Variants in LPP observed in about 807,000 individuals in gnomAD.
The protein encoded by LPP is LIM domain containing preferred translocation partner in lipoma, also known as lipoma-preferred partner.
In LPP, 38 loss-of-function variants were observed where a neutral mutation model predicts 60.4. The observed-to-expected ratio is 0.63, with a 90% confidence interval of 0.49 to 0.83. LPP has a LOEUF of 0.83. LPP is among the 40% of genes least tolerant of loss of function. LPP has a pLI of 0.00. For missense variants in LPP, 902 were observed against 783.6 expected, an observed-to-expected ratio of 1.15 and a Z score of -1.80; for synonymous variants, 328 against 290.8, an observed-to-expected ratio of 1.13 and a Z score of -1.30.
At chr3:188,799,675 T>C (rs1002965829) in intron 9 of LPP, among the ~76,000 whole-genome samples, 10 of 152,214 alleles carry the variant, frequency 6.6e-5, no homozygotes, top group Non-Finnish European at 1.5e-4. Flanking sequence ...CTTAATTTTA[T>C]AGTCTTTATC....
chr3:188,687,775 C>CTTTTTTTTTTTTTTTTTT (rs61574227), intron 7 of LPP, among the ~76,000 whole-genome samples: 8 of 127,118 alleles, frequency 6.3e-5, no homozygotes, highest in Non-Finnish European at 9.8e-5. Flanking sequence ...GTCTTATACT[C>CTTTTTTTTTTTTTTTTTT]TTTTTTTTTT....
chr3:188,636,974 G>T (rs1270853577), intron 7 of LPP, among the ~76,000 whole-genome samples: 1 of 143,168 alleles, frequency 7.0e-6, no homozygotes, highest in Non-Finnish European at 1.5e-5. Context: ...AGTCAACAAG[G>T]ATACCCAGGA....
chr3:188,842,307 T>A (rs567056093), intron 9 of LPP, among the ~76,000 whole-genome samples: 65 of 152,368 alleles, frequency 4.3e-4, no homozygotes, highest in African/African-American at 1.5e-3. Flanking sequence ...TATGCCTATT[T>A]GCCATTTGTA....
At chr3:188,617,221 T>C (rs1278902263) in intron 7 of LPP, among the ~76,000 whole-genome samples, 1 of 152,182 alleles carries the variant, frequency 6.6e-6, no homozygotes, top group Admixed American at 6.6e-5. Context: ...ATTTTCAGAA[T>C]CATAAGTCTT....
intron 9 of LPP, among the ~76,000 whole-genome samples, chr3:188,856,873 CA>C (rs1432730817): frequency 6.6e-6 from 1 of 152,212 alleles, no homozygotes; most frequent in East Asian, 1.9e-4. Context: ...CCATATTTAT[CA>C]GTGTGCAACA....
intron 3 of LPP, among the ~76,000 whole-genome samples, chr3:188,342,954 T>C (rs761633382): frequency 1.3e-5 from 2 of 152,140 alleles, no homozygotes; most frequent in Non-Finnish European, 2.9e-5. Context: ...TTATTATTAT[T>C]TATTTATTTT....
At chr3:188,315,529 A>C (rs1015106418) in intron 2 of LPP, among the ~76,000 whole-genome samples, 4 of 151,898 alleles carry the variant, frequency 2.6e-5, no homozygotes, top group African/African-American at 9.7e-5. Context: ...TTTTCCTGTA[A>C]GAGATGCTTA....
intron 3 of LPP, among the ~76,000 whole-genome samples, chr3:188,403,024 G>T (rs954719095): frequency 2.0e-5 from 3 of 152,110 alleles, no homozygotes; most frequent in African/African-American, 4.8e-5. Context: ...CCTGGGAATG[G>T]GGTCACTGGG....
intron 9 of LPP, among the ~76,000 whole-genome samples, chr3:188,821,947 A>G (rs1008494052): frequency 4.6e-5 from 7 of 152,126 alleles, no homozygotes; most frequent in African/African-American, 1.7e-4. Flanking sequence ...ATTTATTTCT[A>G]TGTGGGCTGA....
intron 2 of LPP, among the ~76,000 whole-genome samples, chr3:188,242,739 A>G (rs1035563285): frequency 4.6e-5 from 7 of 152,236 alleles, no homozygotes; most frequent in African/African-American, 1.7e-4. Flanking sequence ...TGCAAAATTC[A>G]TTAAACATCT....
chr3:188,785,792 CA>C (rs1202740965), intron 9 of LPP, among the ~76,000 whole-genome samples: 1 of 151,876 alleles, frequency 6.6e-6, no homozygotes, highest in Non-Finnish European at 1.5e-5. Flanking sequence ...ACATTGTTTC[CA>C]TAGGACCAGC....
At chr3:188,524,157 T>A (rs1819799035) in intron 5 of LPP, among the ~76,000 whole-genome samples, 1 of 152,196 alleles carries the variant, frequency 6.6e-6, no homozygotes. Flanking sequence ...TCTTGCCATC[T>A]CTCGCACACA....
chr3:188,562,203 T>C (rs780213231), intron 6 of LPP: 15 of 151,964 alleles, frequency 9.9e-5, no homozygotes, highest in Non-Finnish European at 2.2e-4. Context: ...GATCTGAACA[T>C]TTGAGAAGGA....
At chr3:188,458,233 A>G (rs572823464) in intron 4 of LPP, among the ~76,000 whole-genome samples, 1 of 152,294 alleles carries the variant, frequency 6.6e-6, no homozygotes, top group East Asian at 1.9e-4. Flanking sequence ...TAAATTGTGT[A>G]TATGGATAAA....
chr3:188,179,054 GAGA>G, intron 1 of LPP: 1 of 315,418 alleles, frequency 3.2e-6, no homozygotes, highest in Non-Finnish European at 6.3e-6. Context: ...GAGAGAGAGA[GAGA>G]GAGAGAGAGT....
In LPP at chr3:188,609,579, C is replaced by T. The variant is rs201035440; in HGVS notation, c.848C>T (p.Pro283Leu). ...TACATTCCACCACCAGGACTTCAGC[C>T]GGAGCCTGGGTATGGGTATGCCCCC... Reference protein sequence around the residue: ...YAYIPPPGLQPEPGYGYAPNQ... With the variant: ...YAYIPPPGLQLEPGYGYAPNQ... The change falls in exon 7 of 12, where the codon CCG becomes CTG. Residue 283 changes from proline (P) to leucine (L), a missense_variant. Transcript: ENST00000617246. This position sits in a 1 kb window ranked among gnomAD's most constrained non-coding sequence, Gnocchi z 6.9. The T allele has an allele frequency of 8.1e-5, 130 of 1,613,988 alleles. No individual in the cohort carries two copies. The highest frequency in any genetic ancestry group is 6.6e-4 in the Middle Eastern group (4 of 6,082).
rs79842926 is a variant in LPP at position 188,209,618 on chromosome 3, G to A, written c.-189-15787G>A. On this transcript the variant is annotated intron_variant, in intron 1 of 11. Coordinates refer to ENST00000617246, the MANE Select transcript of LPP (RefSeq NM_001375462.1). Reference sequence around the variant, plus strand: ...GGAATAGCCTTGTGTCCTGGAGACAGTTTTAGGTCTGGCAGGATCTGAGAA... The same window carrying A: ...GGAATAGCCTTGTGTCCTGGAGACAATTTTAGGTCTGGCAGGATCTGAGAA... Among the ~76,000 whole-genome samples, 1,166 of 152,278 alleles carry A rather than the reference G, an allele frequency of 7.7e-3. 2 individuals carry two copies. Among genetic ancestry groups the A allele is most frequent in the Non-Finnish European group, 0.013 (910 of 68,016 alleles).
chr3:188,571,950 C>T (rs954497932), intron 6 of LPP, among the ~76,000 whole-genome samples: 17 of 152,010 alleles, frequency 1.1e-4, no homozygotes, highest in African/African-American at 3.1e-4. Flanking sequence ...CATGACATAG[C>T]GGCCATTGTC....
chr3:188,509,870 G>GTT (rs1814874170), intron 5 of LPP, among the ~76,000 whole-genome samples: 10 of 44,142 alleles, frequency 2.3e-4, no homozygotes, highest in African/African-American at 5.0e-4. Context: ...TTTTTTTTTT[G>GTT]TTGTTTTTTT....
Sources: allele counts gnomAD v4.1 joint callset (sites outside exome capture counted in the v4.1 genomes callset), GRCh38; gene constraint gnomAD v4.1.1; non-coding constraint Gnocchi (gnomAD v3.1); transcripts MANE v1.5; gene names NCBI Gene and HGNC (gene_info 2026-07-23, HGNC 2026-07-21).